Variants in NACC2 observed in about 807,000 individuals in gnomAD.
NACC2 encodes the protein NACC family member 2, also known as nucleus accumbens-associated protein 2.
A neutral mutation model predicts 25.1 loss-of-function variants in NACC2; 8 were observed. That is an observed-to-expected ratio of 0.32 (90% CI 0.19 to 0.57). The LOEUF (loss-of-function observed/expected upper bound fraction) is 0.57, where lower values mean the gene tolerates loss of function less well. NACC2 is among the 20% of genes least tolerant of loss of function. The pLI, the probability that NACC2 is intolerant of heterozygous loss-of-function variation, is 0.89. For synonymous variants in NACC2, 435 were observed against 294.7 expected (o/e 1.48, Z -4.88); for missense variants, 644 against 650.2 (o/e 0.99, Z 0.10).
chr9:136,093,318 G>T (rs990658869), intron 1 of NACC2, among the ~76,000 whole-genome samples: 1 of 152,200 alleles, frequency 6.6e-6, no homozygotes, highest in African/African-American at 2.4e-5. Context: ...AAAACAAAGG[G>T]AGGATTGAAG....
chr9:136,034,985 T>G (rs1372680579), intron 2 of NACC2, among the ~76,000 whole-genome samples: 1 of 152,050 alleles, frequency 6.6e-6, no homozygotes, highest in African/African-American at 2.4e-5. Context: ...TCCCAGGTAC[T>G]TGGGAGGCTG....
chr9:136,018,304 G>A lies in NACC2; in HGVS notation c.887-1875C>T, dbSNP rs1476957398. 6.6e-6 allele frequency among the ~76,000 whole-genome samples: 1 copy of A among 152,076 alleles called. No individual in the cohort carries two copies. The highest frequency in any genetic ancestry group is 2.4e-5 in the African/African-American group (1 of 41,416). ...GGGGGCTGCTGGGGAGCAGCCTGAG[G>A]AGGGCAGGAGGCAGGGAGGGTCCCA... On this transcript the variant is annotated intron_variant, in intron 2 of 5. Transcript: ENST00000277554. The surrounding 1 kb of genome is among the most constrained non-coding windows in gnomAD (Gnocchi z 4.4).
At chr9:136,082,360 G>A (rs182949413) in intron 1 of NACC2, among the ~76,000 whole-genome samples, 2 of 152,374 alleles carry the variant, frequency 1.3e-5, no homozygotes, top group Admixed American at 1.3e-4. Flanking sequence ...GTGCTGAGCC[G>A]GCGGATGGGC....
intron 1 of NACC2, among the ~76,000 whole-genome samples, chr9:136,066,192 C>CA (rs35564918): frequency 0.028 from 1,808 of 64,436 alleles, 36 homozygotes; most frequent in African/African-American, 0.072. Flanking sequence ...AACCCCATCT[C>CA]AAAAAAAAAA....
rs1192078465 is a variant in NACC2, at chr9:136,077,007, A to AAAAT, written c.-60+18178_-60+18181dup. ...GGCGACAGAGCGAGACTCTGTCTCA[A>AAAAT]AAATAAATAAATAAATAAATAAAAT... On this transcript the variant is annotated intron_variant, in intron 1 of 5. Transcript: ENST00000277554. 6.6e-5 allele frequency among the ~76,000 whole-genome samples: 10 copies of AAAAT among 151,856 alleles called. No homozygotes were observed. In the East Asian group the frequency reaches 1.2e-3, roughly 18 times the overall value.
chr9:136,038,026 C>A (rs1312606901), intron 2 of NACC2, among the ~76,000 whole-genome samples: 1 of 152,140 alleles, frequency 6.6e-6, no homozygotes, highest in Non-Finnish European at 1.5e-5. Context: ...AAAAAAGAAT[C>A]AATGCTAATA....
At chr9:136,037,357 G>A (rs1197022275) in intron 2 of NACC2, among the ~76,000 whole-genome samples, 2 of 151,882 alleles carry the variant, frequency 1.3e-5, no homozygotes, top group East Asian at 1.9e-4. Flanking sequence ...CCGAGTAGCT[G>A]GAACTACAGG....
intron 1 of NACC2, among the ~76,000 whole-genome samples, chr9:136,070,245 C>T (rs1360229502): frequency 6.6e-6 from 1 of 151,954 alleles, no homozygotes; most frequent in East Asian, 1.9e-4. Flanking sequence ...TGGTGGCTCA[C>T]GCCTGTAATC....
At chr9:136,033,473 T>C (rs2131149140) in intron 2 of NACC2, among the ~76,000 whole-genome samples, 1 of 151,710 alleles carries the variant, frequency 6.6e-6, no homozygotes, top group Middle Eastern at 3.4e-3. Context: ...GTGAAACCCC[T>C]ACTAAACCTC....
At position 136,049,889 on chromosome 9, in the gene NACC2, C is replaced by T; in HGVS notation, c.633G>A (p.Ala211=). The change falls in exon 2 of 6, where the codon GCG becomes GCA. Residue 211 remains alanine (A), a synonymous_variant. Transcript: ENST00000277554. ...GGGGCAGTTTGAGAGGGGCTGTGCC[C>T]GCCGCCACCGCAGCCCCCGCGGCCA... ...VAVAAGAAVA[A]GTAPLKLPRV... is the part of the protein sequence containing the mutation. 2 of 592,108 alleles carry T rather than the reference C, an allele frequency of 3.4e-6. No homozygotes were observed. The highest frequency in any genetic ancestry group is 1.9e-5 in the South Asian group (1 of 51,782). 36.7% of individuals were successfully genotyped at this position (592,108 alleles called of 1,614,324 possible). A position where few individuals can be genotyped will look rare whatever the true frequency, so the allele number is the denominator to read the frequency against.
At chr9:136,048,934 C>T (rs926270404) in intron 2 of NACC2, among the ~76,000 whole-genome samples, 1 of 152,244 alleles carries the variant, frequency 6.6e-6, no homozygotes, top group African/African-American at 2.4e-5. Context: ...TGCACACAGG[C>T]CCTGCATGCA....
intron 2 of NACC2, among the ~76,000 whole-genome samples, chr9:136,042,913 CAG>C (rs1464829019): frequency 6.7e-6 from 1 of 148,748 alleles, no homozygotes; most frequent in Non-Finnish European, 1.5e-5. Context: ...CACAGAGACA[CAG>C]AGACAAACAG....
intron 2 of NACC2, among the ~76,000 whole-genome samples, chr9:136,025,802 C>A (rs1158652981): frequency 6.6e-6 from 1 of 152,014 alleles, no homozygotes. Flanking sequence ...GTAGTCCCGG[C>A]TACTCAGGAA....
In NACC2 at chr9:136,086,478, G is replaced by T. The variant is rs1309559827; in HGVS notation, c.-60+8711C>A. Among the ~76,000 whole-genome samples, 3 of 152,048 alleles carry T rather than the reference G, an allele frequency of 2.0e-5. No individual in the cohort carries two copies. Among genetic ancestry groups the T allele is most frequent in the Admixed American group, 6.5e-5 (1 of 15,286 alleles). On this transcript the variant is annotated intron_variant, in intron 1 of 5. Transcript: ENST00000277554. This position sits in a 1 kb window ranked among gnomAD's most constrained non-coding sequence, Gnocchi z 5.6. ...CTGGGCTTCCCTGAGGTCTGGCTTG[G>T]TGTGGGCCCCAGGGACGTCGCATGC...
chr9:136,053,545 A>T (rs919301020), intron 1 of NACC2, among the ~76,000 whole-genome samples: 5 of 152,172 alleles, frequency 3.3e-5, no homozygotes, highest in African/African-American at 7.2e-5. Context: ...TTTCTGCCTC[A>T]TCCAGGAAGT....
At position 136,007,465 on chromosome 9, in the gene NACC2, GCACA is replaced by G. The variant is rs56102761; in HGVS notation, c.*4047_*4050del. 651 of 150,326 alleles carry G rather than the reference GCACA, an allele frequency of 4.3e-3. 7 individuals carry two copies. Among genetic ancestry groups the G allele is most frequent in the African/African-American group, 0.011 (430 of 39,984 alleles). 9.3% of individuals were successfully genotyped at this position (150,326 alleles called of 1,614,324 possible). On this transcript the variant is annotated 3_prime_UTR_variant, in exon 6 of 6. Transcript: ENST00000277554. ...CGCGCACACACACGCGCACACAGAC[GCACA>G]CACACAGACGCACACACGCACAGAC...
chr9:136,066,118 G>A (rs1478245708), intron 1 of NACC2, among the ~76,000 whole-genome samples: 3 of 151,316 alleles, frequency 2.0e-5, no homozygotes, highest in Non-Finnish European at 2.9e-5. Context: ...ACCTGAGCCC[G>A]GGAGGCAGAG....
chr9:136,017,180 C>G (rs1840216107), intron 2 of NACC2, among the ~76,000 whole-genome samples: 1 of 152,196 alleles, frequency 6.6e-6, no homozygotes, highest in African/African-American at 2.4e-5. Context: ...CGACAAACCA[C>G]TGCTGGGGCA....
chr9:136,034,953 G>A (rs1293179459), intron 2 of NACC2, among the ~76,000 whole-genome samples: 2 of 152,112 alleles, frequency 1.3e-5, no homozygotes, highest in African/African-American at 4.8e-5. Flanking sequence ...AATTAGCCGG[G>A]CATGGTGGTG....
Sources: allele counts gnomAD v4.1 joint callset (sites outside exome capture counted in the v4.1 genomes callset), GRCh38; gene constraint gnomAD v4.1.1; non-coding constraint Gnocchi (gnomAD v3.1); transcripts MANE v1.5; gene names NCBI Gene and HGNC (gene_info 2026-07-23, HGNC 2026-07-21).